The following SCUBE1 variants were observed in gnomAD, a reference collection of about 807,000 sequenced individuals.
The protein encoded by SCUBE1 is signal peptide, CUB and EGF-like domain-containing protein 1.
A neutral mutation model predicts 124.4 loss-of-function variants in SCUBE1; 59 were observed. That is an observed-to-expected ratio of 0.47 (90% CI 0.38 to 0.59). The LOEUF is 0.59. Ranked by LOEUF, SCUBE1 falls within the 20% of genes least tolerant of loss-of-function variation. The pLI is 0.00. For missense variants in SCUBE1, 1,150 were observed against 1,371.2 expected, an observed-to-expected ratio of 0.84 and a Z score of 2.55; for synonymous variants, 545 against 550.9, an observed-to-expected ratio of 0.99 and a Z score of 0.15.
At chr22:43,338,983 G>T in intron 2 of SCUBE1, 121 bp downstream of exon 2, 1 of 1,185,014 alleles carries the variant, frequency 8.4e-7, no homozygotes, top group Non-Finnish European at 1.2e-6. Flanking sequence ...TGTGCTGTCA[G>T]CAACCACAAT....
At chr22:43,330,086 A>G (rs906392665) in intron 2 of SCUBE1, among the ~76,000 whole-genome samples, 1 of 151,594 alleles carries the variant, frequency 6.6e-6, no homozygotes, top group African/African-American at 2.4e-5. Context: ...CAACATGCAG[A>G]TACTGGTGCA....
chr22:43,236,944 T>C (rs965508282), intron 7 of SCUBE1, among the ~76,000 whole-genome samples: 6 of 152,212 alleles, frequency 3.9e-5, no homozygotes, highest in South Asian at 2.1e-4. Flanking sequence ...GCGAGTGAGA[T>C]GATCTCTGAC....
At chr22:43,244,529 T>A (rs959403259) in intron 6 of SCUBE1, among the ~76,000 whole-genome samples, 4 of 152,304 alleles carry the variant, frequency 2.6e-5, no homozygotes, top group African/African-American at 9.6e-5. Context: ...GAGAGTGAGC[T>A]GGGAGGCGAG....
chr22:43,275,389 C>T (rs1278015168), intron 4 of SCUBE1, among the ~76,000 whole-genome samples: 1 of 152,226 alleles, frequency 6.6e-6, no homozygotes, highest in East Asian at 1.9e-4. Context: ...ATGATGCACA[C>T]ACTTCGGGCA....
At chr22:43,215,858 G>T (rs922169516) in intron 15 of SCUBE1, among the ~76,000 whole-genome samples, 3 of 152,100 alleles carry the variant, frequency 2.0e-5, no homozygotes, top group Non-Finnish European at 4.4e-5. Flanking sequence ...TGAATGGGGT[G>T]GGTGTGTGGG....
chr22:43,206,289 AAC>A (rs1569494113), intron 21 of SCUBE1, among the ~76,000 whole-genome samples: 1 of 144,440 alleles, frequency 6.9e-6, no homozygotes, highest in Non-Finnish European at 1.5e-5. Flanking sequence ...ACACCCACTC[AAC>A]ACACACCCCT....
intron 6 of SCUBE1, among the ~76,000 whole-genome samples, chr22:43,250,512 G>C (rs1034722278): frequency 2.0e-5 from 3 of 152,248 alleles, no homozygotes; most frequent in Admixed American, 2.0e-4. Flanking sequence ...CTCCTGGCCA[G>C]ATCCAGAGAG....
chr22:43,207,450 C>T (rs1569494541), intron 21 of SCUBE1, 84 bp downstream of exon 21: 1 of 1,074,600 alleles, frequency 9.3e-7, no homozygotes, highest in African/African-American at 1.5e-5. Context: ...CCTCCAGGGG[C>T]CAGGGCTGGG....
chr22:43,334,386 G>A (rs1408677300), intron 2 of SCUBE1, among the ~76,000 whole-genome samples: 2 of 152,174 alleles, frequency 1.3e-5, no homozygotes, highest in Non-Finnish European at 2.9e-5. Context: ...ATGAACAGTC[G>A]ATGAACCAGA....
intron 2 of SCUBE1, among the ~76,000 whole-genome samples, chr22:43,329,227 A>G (rs539200751): frequency 1.3e-5 from 2 of 152,242 alleles, no homozygotes; most frequent in Non-Finnish European, 2.9e-5. Context: ...GCTCCTGCCT[A>G]CAGACTGGCC....
At chr22:43,337,819 C>A (rs1403699513) in intron 2 of SCUBE1, among the ~76,000 whole-genome samples, 3 of 152,210 alleles carry the variant, frequency 2.0e-5, no homozygotes, top group Non-Finnish European at 4.4e-5. Flanking sequence ...GAGCAGGGAC[C>A]CATCCTGTGC....
chr22:43,315,894 CT>C (rs1926329962), intron 3 of SCUBE1, among the ~76,000 whole-genome samples: 1 of 152,188 alleles, frequency 6.6e-6, no homozygotes, highest in Non-Finnish European at 1.5e-5. Context: ...TCTGGGGACA[CT>C]GGGAGTACTT....
chr22:43,246,490 G>C lies in SCUBE1; in HGVS notation c.728-7536C>G, dbSNP rs1923217228. Among the ~76,000 whole-genome samples the C allele has an allele frequency of 2.0e-5, 3 of 152,242 alleles. No homozygotes were observed. In the South Asian group the frequency reaches 6.2e-4, roughly 31 times the overall value. ...AACAGCAGCTCACACTCACTGATCA[G>C]GCTCATGCCAGGCCCTGTGCAAAGC... On this transcript the variant is annotated intron_variant, in intron 6 of 21. Coordinates refer to ENST00000360835, the MANE Select transcript of SCUBE1 (RefSeq NM_173050.5).
intron 8 of SCUBE1, among the ~76,000 whole-genome samples, chr22:43,230,389 C>A (rs1922503354): frequency 2.0e-5 from 3 of 151,978 alleles, no homozygotes; most frequent in African/African-American, 4.8e-5. Flanking sequence ...CCCTGCTGGA[C>A]CTGTGGAGCC....
At chr22:43,326,483 G>GGGGTTAAGCTCT (rs1926732541) in intron 2 of SCUBE1, among the ~76,000 whole-genome samples, 1 of 152,116 alleles carries the variant, frequency 6.6e-6, no homozygotes, top group South Asian at 2.1e-4. Flanking sequence ...CCGGTGGCTC[G>GGGGTTAAGCTCT]GGGTTAAGCT....
chr22:43,236,163 C>T (rs551437360), intron 7 of SCUBE1, among the ~76,000 whole-genome samples: 4 of 152,314 alleles, frequency 2.6e-5, no homozygotes, highest in Admixed American at 6.5e-5. Context: ...TGCACCTGAC[C>T]GAGGAACCAA....
rs1402239972 is a variant in SCUBE1 at position 43,238,897 on chromosome 22, C to T, written c.785G>A (p.Gly262Asp). Reference sequence around the variant, plus strand: ...TCCAACGGGGCAGCTGCATCGCACGCCAGTGGCTGTGTCCTTGCATGTCCG... The same window carrying T: ...TCCAACGGGGCAGCTGCATCGCACGTCAGTGGCTGTGTCCTTGCATGTCCG... ...CDRTCKDTAT[G>D]VRCSCPVGFT... The change falls in exon 7 of 22, where the codon GGC (glycine) becomes GAC (aspartate). Residue 262 changes from glycine (G) to aspartate (D), a missense_variant. Coordinates refer to ENST00000360835, the MANE Select transcript of SCUBE1 (RefSeq NM_173050.5). The T allele has an allele frequency of 6.2e-7, 1 of 1,613,082 alleles. No individual in the cohort carries two copies. The highest frequency in any genetic ancestry group is 1.3e-5 in the African/African-American group (1 of 74,944).
rs778239952 is a variant in SCUBE1, at chr22:43,227,374, C to T, written c.1207G>A (p.Glu403Lys). The T allele has an allele frequency of 1.9e-6, 3 of 1,609,004 alleles. No individual in the cohort carries two copies. The highest frequency in any genetic ancestry group is 2.5e-6 in the Non-Finnish European group (3 of 1,179,264). Residue 403 changes from glutamate to lysine, a missense_variant and splice_region_variant, in exon 10 of 22, where the codon GAG (glutamate) becomes AAG (lysine). Glu to Lys is a moderately conservative substitution (Grantham distance 56). Coordinates refer to ENST00000360835, the MANE Select transcript of SCUBE1 (RefSeq NM_173050.5). The stretch of plus-strand genomic sequence containing the variant: ...CCAGCAGCACAGGGCGGCCACCTAC[C>T]CACGCAATCCTTCCCGTTCCAGTGG... Reference protein sequence around the residue: ...RLHWNGKDCVETGKCLSRAKT... With the variant: ...RLHWNGKDCVKTGKCLSRAKT...
At position 43,199,453 on chromosome 22, in the gene SCUBE1, C is replaced by T. The variant is rs967874297; in HGVS notation, c.*4544G>A. Reference sequence around the variant, plus strand: ...AGAGGTAGGGGAAATGGCTTCTCTCCCAAGGCCTTCAAATTTGGCCTCTTG... The same window carrying T: ...AGAGGTAGGGGAAATGGCTTCTCTCTCAAGGCCTTCAAATTTGGCCTCTTG... On this transcript the variant is annotated 3_prime_UTR_variant, in exon 22 of 22. Coordinates refer to ENST00000360835, the MANE Select transcript of SCUBE1 (RefSeq NM_173050.5). The T allele has an allele frequency of 1.5e-4, 23 of 151,508 alleles. 1 individual carries two copies. The highest frequency in any genetic ancestry group is 4.7e-4 in the African/African-American group (19 of 40,848). The allele number at this position is 151,508 out of a possible 1,614,324, so 9.4% of individuals were successfully genotyped here. A position where few individuals can be genotyped will look rare whatever the true frequency, so the allele number is the denominator to read the frequency against.
Sources: allele counts gnomAD v4.1 joint callset (sites outside exome capture counted in the v4.1 genomes callset), GRCh38; gene constraint gnomAD v4.1.1; transcripts MANE v1.5; gene names NCBI Gene and HGNC (gene_info 2026-07-23, HGNC 2026-07-21).